Variants in SPOCK3 observed in about 807,000 individuals in gnomAD.
SPOCK3 encodes SPARC (osteonectin), cwcv and kazal like domains proteoglycan 3.
SPOCK3 carries 30 observed loss-of-function variants against 56.6 expected under a neutral mutation model. The ratio of observed to expected loss-of-function variants is 0.53; its 90% confidence interval spans 0.40 to 0.72. SPOCK3 has a LOEUF of 0.72. Ranked by LOEUF, SPOCK3 falls within the 30% of genes least tolerant of loss-of-function variation. The pLI, the probability that SPOCK3 is intolerant of heterozygous loss-of-function variation, is 0.00. For missense variants in SPOCK3, 527 were observed against 530.0 expected, an observed-to-expected ratio of 0.99 and a Z score of 0.06; for synonymous variants, 196 against 183.3, an observed-to-expected ratio of 1.07 and a Z score of -0.56.
intron 8 of SPOCK3, among the ~76,000 whole-genome samples, chr4:166,750,330 T>A (rs1345208082): frequency 6.6e-6 from 1 of 152,058 alleles, no homozygotes; most frequent in East Asian, 1.9e-4. Flanking sequence ...AGAATCAGAC[T>A]ATTAGGTCTA....
rs563131816 is a variant in SPOCK3, at chr4:166,975,512, G to C, written c.350+24837C>G. ...TATCATTTCTTTGTGTTACATTCCA[G>C]CTATAATTTTAGTTATTTTTAAATA... is the stretch of plus-strand genomic sequence containing the variant. On this transcript the variant is annotated intron_variant, in intron 4 of 10. Coordinates refer to ENST00000357545, the MANE Select transcript of SPOCK3 (RefSeq NM_001040159.2). Among the ~76,000 whole-genome samples the C allele has an allele frequency of 3.9e-5, 6 of 152,172 alleles. No homozygotes were observed. In the East Asian group the frequency reaches 1.2e-3, roughly 29 times the overall value.
rs539299151 is a variant in SPOCK3, at chr4:166,947,306, A to T, written c.351-34563T>A. Among the ~76,000 whole-genome samples the T allele has an allele frequency of 2.6e-5, 4 of 152,272 alleles. No homozygotes were observed. The South Asian group carries it at 8.3e-4, about 32-fold the overall frequency. On this transcript the variant is annotated intron_variant, in intron 4 of 10. Transcript: ENST00000357545. Reference sequence around the variant, plus strand: ...ATTTATAGTTTAACATACTGAGTGTATCACCTTTTCTAATACTGCACACAG... The same window carrying T: ...ATTTATAGTTTAACATACTGAGTGTTTCACCTTTTCTAATACTGCACACAG...
chr4:167,224,170 T>C (rs1266069252), intron 2 of SPOCK3, among the ~76,000 whole-genome samples: 1 of 152,150 alleles, frequency 6.6e-6, no homozygotes, highest in Non-Finnish European at 1.5e-5. Flanking sequence ...CTAACACATA[T>C]TTTTTCATTT....
At chr4:166,881,524 C>T (rs560551435) in intron 6 of SPOCK3, among the ~76,000 whole-genome samples, 12 of 151,890 alleles carry the variant, frequency 7.9e-5, no homozygotes, top group African/African-American at 1.4e-4. Context: ...GATTTATTTT[C>T]GCTCCACAAA....
chr4:167,142,771 C>T (rs1222177307), intron 2 of SPOCK3, among the ~76,000 whole-genome samples: 1 of 151,892 alleles, frequency 6.6e-6, no homozygotes, highest in African/African-American at 2.4e-5. Flanking sequence ...GATCAGAGCA[C>T]ACAATAATGC....
intron 2 of SPOCK3, among the ~76,000 whole-genome samples, chr4:167,134,431 A>T (rs1762950859): frequency 6.6e-6 from 1 of 152,134 alleles, no homozygotes; most frequent in African/African-American, 2.4e-5. Context: ...GGCAAGGAGT[A>T]CTGATATTAA....
At chr4:166,988,536 A>G (rs908370119) in intron 4 of SPOCK3, among the ~76,000 whole-genome samples, 1 of 152,168 alleles carries the variant, frequency 6.6e-6, no homozygotes. Context: ...TAGTGATACC[A>G]AGACAGCCAC....
At chr4:166,875,082 A>T (rs1034826009) in intron 6 of SPOCK3, among the ~76,000 whole-genome samples, 3 of 146,358 alleles carry the variant, frequency 2.0e-5, no homozygotes, top group Admixed American at 1.3e-4. Flanking sequence ...GGACATATAG[A>T]TATATTTGTC....
chr4:166,811,803 T>A (rs1224494341), intron 6 of SPOCK3, among the ~76,000 whole-genome samples: 1 of 151,948 alleles, frequency 6.6e-6, no homozygotes, highest in African/African-American at 2.4e-5. Context: ...CTTTGTTATA[T>A]CTCAATCAAA....
intron 6 of SPOCK3, among the ~76,000 whole-genome samples, chr4:166,887,105 A>G (rs1734281527): frequency 6.6e-6 from 1 of 152,162 alleles, no homozygotes; most frequent in Non-Finnish European, 1.5e-5. Context: ...TATACAGAAA[A>G]TTTGACAATA....
intron 2 of SPOCK3, among the ~76,000 whole-genome samples, chr4:167,112,606 A>G (rs1411213371): frequency 6.6e-6 from 1 of 152,122 alleles, no homozygotes; most frequent in African/African-American, 2.4e-5. Context: ...GGAAAACATC[A>G]AGACTTCACC....
chr4:166,783,476 G>A (rs548746206), intron 7 of SPOCK3, among the ~76,000 whole-genome samples: 8 of 152,200 alleles, frequency 5.3e-5, no homozygotes, highest in South Asian at 2.1e-4. Flanking sequence ...ATACCTCCAC[G>A]TGTTATTTTT....
chr4:166,938,116 C>A (rs1489528219), intron 4 of SPOCK3, among the ~76,000 whole-genome samples: 1 of 151,652 alleles, frequency 6.6e-6, no homozygotes, highest in Non-Finnish European at 1.5e-5. Flanking sequence ...TTAAGCAGAA[C>A]TTTTTTAACA....
intron 2 of SPOCK3, among the ~76,000 whole-genome samples, chr4:167,163,039 A>G (rs1217977881): frequency 6.6e-6 from 1 of 151,864 alleles, no homozygotes; most frequent in African/African-American, 2.4e-5. Flanking sequence ...ATTTGATACT[A>G]AAACCTGTTT....
intron 3 of SPOCK3, among the ~76,000 whole-genome samples, chr4:167,027,437 G>A (rs1751796693): frequency 6.6e-6 from 1 of 151,802 alleles, no homozygotes; most frequent in South Asian, 2.1e-4. Context: ...CATTTTGTTT[G>A]GGGATTTTCT....
intron 2 of SPOCK3, among the ~76,000 whole-genome samples, chr4:167,069,893 T>G (rs971158936): frequency 2.0e-5 from 3 of 151,942 alleles, no homozygotes; most frequent in Non-Finnish European, 2.9e-5. Context: ...TCCATATTTC[T>G]CTGAGTTTTT....
chr4:167,013,424 T>G (rs1750287741), intron 3 of SPOCK3, among the ~76,000 whole-genome samples: 1 of 151,566 alleles, frequency 6.6e-6, no homozygotes, highest in African/African-American at 2.4e-5. Flanking sequence ...CTTAATAAAA[T>G]AAATGCTAAT....
chr4:166,895,143 TAAAATAAA>T (rs1263476730), intron 5 of SPOCK3, among the ~76,000 whole-genome samples: 1 of 152,204 alleles, frequency 6.6e-6, no homozygotes, highest in East Asian at 1.9e-4. Flanking sequence ...TAGCTTCAAG[TAAAATAAA>T]ACCTATAAAA....
chr4:167,025,850 A>T (rs1192849573), intron 3 of SPOCK3, among the ~76,000 whole-genome samples: 3 of 152,082 alleles, frequency 2.0e-5, no homozygotes, highest in Non-Finnish European at 4.4e-5. Flanking sequence ...AACATCGTAG[A>T]GTGTACTTAC....
Sources: gnomAD v4.1 joint callset for allele counts (sites outside exome capture counted in the v4.1 genomes callset) on GRCh38, gnomAD v4.1.1 for gene constraint, MANE v1.5 for transcripts, NCBI Gene and HGNC (gene_info 2026-07-23, HGNC 2026-07-21) for gene names.